The following VPS13B variants were observed in gnomAD, a reference collection of about 807,000 sequenced individuals.
The protein encoded by VPS13B is vacuolar protein sorting 13 homolog B, also known as intermembrane lipid transfer protein VPS13B.
VPS13B carries 285 observed loss-of-function variants against 426.4 expected under a neutral mutation model. That is an observed-to-expected ratio of 0.67 (90% confidence interval 0.61 to 0.74). The LOEUF (loss-of-function observed/expected upper bound fraction) is 0.74. Among genes scored for constraint, VPS13B ranks in the 30% least tolerant of loss-of-function variants. The probability of loss-of-function intolerance (pLI) is 0.00; values close to 1 mark genes in which losing one functional copy is unlikely to be tolerated. For synonymous variants in VPS13B, 1,676 were observed against 1,676.4 expected (o/e 1.00, Z 0.01); for missense variants, 4,537 against 4,782.6 (o/e 0.95, Z 1.51).
intron 29 of VPS13B, among the ~76,000 whole-genome samples, chr8:99,518,049 T>A (rs992495501): frequency 1.6e-4 from 25 of 152,120 alleles, no homozygotes; most frequent in African/African-American, 5.1e-4. Context: ...AACTTCATAG[T>A]CAGTATAATC....
At chr8:99,046,616 T>C (rs1277743298) in intron 3 of VPS13B, among the ~76,000 whole-genome samples, 1 of 152,146 alleles carries the variant, frequency 6.6e-6, no homozygotes, top group Non-Finnish European at 1.5e-5. Context: ...GGCCTCCTTG[T>C]CTTGTCTTCC....
At chr8:99,468,126 A>T (rs1014218366) in intron 24 of VPS13B, among the ~76,000 whole-genome samples, 2 of 152,064 alleles carry the variant, frequency 1.3e-5, no homozygotes, top group South Asian at 4.1e-4. Flanking sequence ...CATTAGGTAT[A>T]TCTCCTAATG....
chr8:99,365,711 T>A (rs893705466), intron 19 of VPS13B, among the ~76,000 whole-genome samples: 5 of 151,874 alleles, frequency 3.3e-5, no homozygotes, highest in Non-Finnish European at 2.9e-5. Flanking sequence ...GAGATGGGGT[T>A]TCACCATATT....
intron 19 of VPS13B, among the ~76,000 whole-genome samples, chr8:99,360,138 CT>C: frequency 3.7e-5 from 1 of 27,104 alleles, no homozygotes; most frequent in Non-Finnish European, 6.6e-5. Context: ...TTCTTTCTTT[CT>C]TTCTTTCTTT....
intron 30 of VPS13B, among the ~76,000 whole-genome samples, chr8:99,524,494 A>G (rs1232143823): frequency 3.9e-5 from 6 of 152,142 alleles, no homozygotes; most frequent in African/African-American, 1.4e-4. Flanking sequence ...CAAAAGAAAC[A>G]AATAACATAC....
chr8:99,723,004 G>A (rs916519533), intron 39 of VPS13B, among the ~76,000 whole-genome samples: 1 of 152,074 alleles, frequency 6.6e-6, no homozygotes, highest in Non-Finnish European at 1.5e-5. Context: ...TATTAATTAA[G>A]GCATCTAAGA....
At chr8:99,712,575 T>C (rs1832747295) in intron 36 of VPS13B, among the ~76,000 whole-genome samples, 2 of 152,162 alleles carry the variant, frequency 1.3e-5, no homozygotes, top group South Asian at 4.1e-4. Context: ...GCACATTGTG[T>C]GTCCTCTGGT....
rs115634185 is a variant in VPS13B, at chr8:99,564,017, C to G, written c.4949+7364C>G. Among the ~76,000 whole-genome samples the G allele has an allele frequency of 5.4e-3, 825 of 152,102 alleles. 8 individuals are homozygous for G. Among genetic ancestry groups the G allele is most frequent in the African/African-American group, 0.019 (794 of 41,504 alleles). On this transcript the variant is annotated intron_variant, in intron 31 of 61. Coordinates refer to ENST00000357162, the MANE Select transcript of VPS13B (RefSeq NM_152564.5). ...TCCCTGACCAATATTAAATGGCAACCTTTATAATGATTTTCATTCATTCCT... is the reference window on the plus strand; with the variant it reads ...TCCCTGACCAATATTAAATGGCAACGTTTATAATGATTTTCATTCATTCCT...
At chr8:99,828,673 G>T (rs1278087348) in intron 51 of VPS13B, among the ~76,000 whole-genome samples, 1 of 151,918 alleles carries the variant, frequency 6.6e-6, no homozygotes, top group Non-Finnish European at 1.5e-5. Flanking sequence ...CCATTAGTTG[G>T]TGCAGTTTTT....
intron 17 of VPS13B, among the ~76,000 whole-genome samples, chr8:99,197,508 C>T (rs1814010669): frequency 6.6e-6 from 1 of 152,136 alleles, no homozygotes; most frequent in Non-Finnish European, 1.5e-5. Flanking sequence ...TCCATTCTTT[C>T]ATGATTGAGT....
chr8:99,255,182 A>AT (rs993187437), intron 17 of VPS13B, among the ~76,000 whole-genome samples: 2 of 150,988 alleles, frequency 1.3e-5, no homozygotes, highest in African/African-American at 4.9e-5. Context: ...TGGTCATTAC[A>AT]TTTTTCAGTA....
chr8:99,307,008 T>C (rs1188835528), intron 19 of VPS13B, among the ~76,000 whole-genome samples: 3 of 152,128 alleles, frequency 2.0e-5, no homozygotes, highest in Non-Finnish European at 4.4e-5. Context: ...TTAACTCGAT[T>C]AAACAAGTAT....
intron 29 of VPS13B, among the ~76,000 whole-genome samples, chr8:99,512,729 G>T (rs1821854738): frequency 6.6e-6 from 1 of 152,174 alleles, no homozygotes; most frequent in African/African-American, 2.4e-5. Flanking sequence ...AAGACCATGG[G>T]CTGGGCACGG....
chr8:99,756,582 A>G (rs979591920), intron 39 of VPS13B, among the ~76,000 whole-genome samples: 12 of 152,356 alleles, frequency 7.9e-5, no homozygotes, highest in Admixed American at 2.0e-4. Flanking sequence ...ATTGAAAGCA[A>G]CAAAAGAGAA....
chr8:99,784,238 C>T (rs567262334), intron 42 of VPS13B, 77 bp from the exon 43 acceptor site: 28 of 1,586,124 alleles, frequency 1.8e-5, no homozygotes, highest in East Asian at 4.5e-5. Context: ...TTGTAACAAT[C>T]GCCACTGGGC....
chr8:99,257,594 A>C (rs1817820353), intron 17 of VPS13B, among the ~76,000 whole-genome samples: 1 of 152,206 alleles, frequency 6.6e-6, no homozygotes, highest in African/African-American at 2.4e-5. Context: ...ACGATGTTTA[A>C]AATATAGTTT....
intron 17 of VPS13B, among the ~76,000 whole-genome samples, chr8:99,253,222 G>T (rs1415571830): frequency 6.6e-6 from 1 of 151,764 alleles, no homozygotes; most frequent in Non-Finnish European, 1.5e-5. Flanking sequence ...ATTACATTTT[G>T]TTTCTCCATT....
intron 35 of VPS13B, among the ~76,000 whole-genome samples, chr8:99,683,099 A>G (rs1278567815): frequency 6.6e-6 from 1 of 152,184 alleles, no homozygotes; most frequent in East Asian, 1.9e-4. Context: ...CAGATATTCA[A>G]CACCATCTGT....
intron 17 of VPS13B, among the ~76,000 whole-genome samples, chr8:99,242,769 G>T (rs561863467): frequency 2.6e-5 from 4 of 152,134 alleles, no homozygotes; most frequent in South Asian, 2.1e-4. Context: ...CTGACATTTT[G>T]TATGCTTTCC....
Sources: allele counts gnomAD v4.1 joint callset (sites outside exome capture counted in the v4.1 genomes callset), GRCh38; gene constraint gnomAD v4.1.1; transcripts MANE v1.5; gene names NCBI Gene and HGNC (gene_info 2026-07-23, HGNC 2026-07-21).